The following CMKLR2 variants were observed in gnomAD, a reference collection of about 807,000 sequenced individuals.
The protein encoded by CMKLR2 is chemerin chemokine-like receptor 2, also known as chemerin-like receptor 2.
A neutral mutation model predicts 23.0 loss-of-function variants in CMKLR2; 18 were observed. That is an observed-to-expected ratio of 0.78 (90% CI 0.54 to 1.16). The LOEUF is 1.16. Among genes scored for constraint, CMKLR2 ranks in the 50% most tolerant of loss-of-function variants. The pLI, the probability that CMKLR2 is intolerant of heterozygous loss-of-function variation, is 0.00. For synonymous variants in CMKLR2, 158 were observed against 158.9 expected (o/e 0.99, Z 0.05); for missense variants, 401 against 412.7 (o/e 0.97, Z 0.25).
rs773595228 is a variant in CMKLR2, at chr2:206,177,242, T to G, written c.6A>C (p.Glu2Asp). 32 of 1,567,574 alleles carry G rather than the reference T, an allele frequency of 2.0e-5. No homozygotes were observed. Among genetic ancestry groups the G allele is most frequent in the Non-Finnish European group, 2.8e-5 (32 of 1,149,578 alleles). The change falls in exon 2 of 2, where the codon GAA (glutamate) becomes GAC (aspartate). Residue 2 changes from glutamate (E) to aspartate (D), a missense_variant. Physicochemically the swap from Glu to Asp is conservative, Grantham distance 45. Transcript: ENST00000621141. Reference sequence around the variant, plus strand: ...CTTCAAATAATGTTTCCTCCAAATCTTCCATGACCTTGCTAAATGGAGAAT... The same window carrying G: ...CTTCAAATAATGTTTCCTCCAAATCGTCCATGACCTTGCTAAATGGAGAAT... Reference protein sequence around the residue: MEDLEETLFEEF... With the variant: MDDLEETLFEEF...
chr2:206,182,443 G>A (rs1440583131), intron 1 of CMKLR2, among the ~76,000 whole-genome samples: 1 of 152,092 alleles, frequency 6.6e-6, no homozygotes, highest in East Asian at 1.9e-4. Flanking sequence ...TGAGAATAAG[G>A]ACTGTCATGG....
At position 206,176,918 on chromosome 2, in the gene CMKLR2, G is replaced by C; in HGVS notation, c.330C>G (p.Cys110Trp). The C allele has an allele frequency of 6.2e-7, 1 of 1,614,230 alleles. No individual in the cohort carries two copies. The highest frequency in any genetic ancestry group is 8.5e-7 in the Non-Finnish European group (1 of 1,180,044). The change falls in exon 2 of 2, where the codon TGC (cysteine) becomes TGG (tryptophan). Residue 110 changes from cysteine (C) to tryptophan (W), a missense_variant. Coordinates refer to ENST00000621141, the MANE Select transcript of CMKLR2 (RefSeq NM_001389445.1). ...ACTGGGCAGTGAAGGAATTGGCTTT[G>C]CACAGCCAGATGCCAAAGGGCCAGT... ...NFHWPFGIWL[C>W]KANSFTAQLN...
At chr2:206,205,550 G>A (rs966527939) in intron 1 of CMKLR2, among the ~76,000 whole-genome samples, 3 of 150,724 alleles carry the variant, frequency 2.0e-5, no homozygotes, top group Non-Finnish European at 3.0e-5. Flanking sequence ...TTTTAAATTT[G>A]GGGTAGAGAC....
At chr2:206,194,363 C>T (rs902217278) in intron 1 of CMKLR2, among the ~76,000 whole-genome samples, 2 of 151,598 alleles carry the variant, frequency 1.3e-5, no homozygotes, top group Non-Finnish European at 2.9e-5. Flanking sequence ...AGATAAAGCA[C>T]AGGTTAAAAG....
chr2:206,211,828 C>CTTTTT (rs370176400), intron 1 of CMKLR2, among the ~76,000 whole-genome samples: 7 of 106,386 alleles, frequency 6.6e-5, no homozygotes, highest in Admixed American at 1.2e-4. Context: ...ATCTGAGTCA[C>CTTTTT]TTTTTTTTTT....
At chr2:206,198,300 G>A (rs1688982992) in intron 1 of CMKLR2, among the ~76,000 whole-genome samples, 1 of 152,152 alleles carries the variant, frequency 6.6e-6, no homozygotes, top group Admixed American at 6.5e-5. Context: ...AAAAAGCACT[G>A]GAACTTAGGA....
rs530437264 is a variant in CMKLR2 at position 206,179,438 on chromosome 2, G to A, written c.-28-2163C>T. ...TGTTACCAGGCTGGAGTGCAGTGGC[G>A]CCATCTCGGCTCATTGCAACCTCCA... On this transcript the variant is annotated intron_variant, in intron 1 of 1. Coordinates refer to ENST00000621141, the MANE Select transcript of CMKLR2 (RefSeq NM_001389445.1). Among the ~76,000 whole-genome samples the A allele has an allele frequency of 4.8e-5, 6 of 124,402 alleles. No homozygotes were observed. In the East Asian group the frequency reaches 7.8e-4, roughly 16 times the overall value. The allele number at this position is 124,402 out of a possible 152,430, so 81.6% of individuals were successfully genotyped here.
At chr2:206,192,057 C>A (rs1362346494) in intron 1 of CMKLR2, among the ~76,000 whole-genome samples, 2 of 151,454 alleles carry the variant, frequency 1.3e-5, no homozygotes, top group Non-Finnish European at 2.9e-5. Context: ...GTTGGCCAGG[C>A]TGGTCTTGAA....
upstream of CMKLR2, among the ~76,000 whole-genome samples, chr2:206,216,419 A>C (rs62195404): frequency 0.48 from 72,457 of 151,988 alleles, 17,848 homozygotes; most frequent in Non-Finnish European, 0.52. Flanking sequence ...GTGCCACTGC[A>C]CTCCAGTCTG....
At chr2:206,211,463 T>G (rs1351131240) in intron 1 of CMKLR2, among the ~76,000 whole-genome samples, 2 of 152,068 alleles carry the variant, frequency 1.3e-5, no homozygotes, top group Admixed American at 1.3e-4. Context: ...TAGCTGGGAC[T>G]ACAGGCACAT....
chr2:206,194,379 C>T (rs1057400122), intron 1 of CMKLR2, among the ~76,000 whole-genome samples: 3 of 151,518 alleles, frequency 2.0e-5, no homozygotes, highest in Admixed American at 1.3e-4. Flanking sequence ...AAAAGACTTG[C>T]TCGTTGACCA....
chr2:206,189,310 C>T (rs1211337715), intron 1 of CMKLR2, among the ~76,000 whole-genome samples: 5 of 152,092 alleles, frequency 3.3e-5, no homozygotes, highest in Non-Finnish European at 4.4e-5. Flanking sequence ...CTTGGGGGAA[C>T]ATGTATTTTG....
upstream of CMKLR2, among the ~76,000 whole-genome samples, chr2:206,214,973 C>A (rs1689707455): frequency 6.6e-6 from 1 of 152,178 alleles, no homozygotes; most frequent in East Asian, 1.9e-4. Flanking sequence ...CATGTGATAC[C>A]TGAAATTGCA....
intron 1 of CMKLR2, among the ~76,000 whole-genome samples, chr2:206,182,620 C>A (rs1040623498): frequency 5.9e-5 from 9 of 152,024 alleles, no homozygotes; most frequent in Admixed American, 5.9e-4. Context: ...CCAACCTTGA[C>A]CCACAGTTCC....
chr2:206,195,048 G>A (rs1285484265), intron 1 of CMKLR2, among the ~76,000 whole-genome samples: 1 of 152,110 alleles, frequency 6.6e-6, no homozygotes, highest in Non-Finnish European at 1.5e-5. Flanking sequence ...GAGCCACCAT[G>A]CCCGACGCAT....
rs756935085 is a variant in CMKLR2, at chr2:206,176,770, A to G, written c.478T>C (p.Phe160Leu). The change falls in exon 2 of 2, where the codon TTC becomes CTC. Residue 160 changes from phenylalanine (F) to leucine (L), a missense_variant. Phe to Leu is a conservative substitution (Grantham distance 22). Coordinates refer to ENST00000621141, the MANE Select transcript of CMKLR2 (RefSeq NM_001389445.1). Reference protein sequence around the residue: ...TLKNSLIVIIFIWLLASLIGG... With the variant: ...TLKNSLIVIILIWLLASLIGG... ...ATTAGAGAAGCCAAAAGCCAGATGA[A>G]TATAATGACAATCAGAGAGTTCTTG... is the stretch of plus-strand genomic sequence containing the variant. 1.9e-6 allele frequency: 3 copies of G among 1,614,072 alleles called. No homozygotes were observed. The African/African-American group carries it at 4.0e-5, about 22-fold the overall frequency.
chr2:206,206,803 C>T (rs998258923), intron 1 of CMKLR2, among the ~76,000 whole-genome samples: 4 of 152,014 alleles, frequency 2.6e-5, no homozygotes, highest in Admixed American at 6.6e-5. Context: ...TTCACGTGCC[C>T]GGGCATCTTG....
At chr2:206,178,516 A>T (rs2105798970) in intron 1 of CMKLR2, among the ~76,000 whole-genome samples, 1 of 152,238 alleles carries the variant, frequency 6.6e-6, no homozygotes, top group Admixed American at 6.5e-5. Context: ...TGACCACTTA[A>T]TTTCTATATT....
Position 206,176,953 on chromosome 2 carries a change from T to C in CMKLR2, c.295A>G (p.Met99Val). 6.2e-7 allele frequency: 1 copy of C among 1,614,240 alleles called. No individual in the cohort carries two copies. The highest frequency in any genetic ancestry group is 8.5e-7 in the Non-Finnish European group (1 of 1,180,050). ...FLPLYISYVA[M>V]NFHWPFGIWL... ...ATGCCAAAGGGCCAGTGGAAATTCA[T>C]GGCCACATAGGAGATGTACAGGGGC... Residue 99 changes from methionine to valine, a missense_variant, in exon 2 of 2, where the codon ATG (methionine) becomes GTG (valine). Met to Val is a conservative substitution (Grantham distance 21). Transcript: ENST00000621141.
Sources: gnomAD v4.1 joint callset for allele counts (sites outside exome capture counted in the v4.1 genomes callset) on GRCh38, gnomAD v4.1.1 for gene constraint, MANE v1.5 for transcripts, NCBI Gene and HGNC (gene_info 2026-07-23, HGNC 2026-07-21) for gene names.